The following KLHL2 variants were observed in gnomAD, a reference collection of about 807,000 sequenced individuals.
KLHL2 encodes the protein kelch-like protein 2.
Under a neutral mutation model 75.8 loss-of-function variants are expected in KLHL2, and 15 were observed. The ratio of observed to expected loss-of-function variants is 0.20; its 90% CI spans 0.13 to 0.30. The LOEUF is 0.30. KLHL2 is among the 10% of genes least tolerant of loss of function. KLHL2 has a pLI of 1.00. For synonymous variants in KLHL2, 214 were observed against 251.9 expected, an observed-to-expected ratio of 0.85 and a Z score of 1.42; for missense variants, 381 against 741.0, an observed-to-expected ratio of 0.51 and a Z score of 5.64.
chr4:165,250,718 G>A (rs1420374614), intron 4 of KLHL2, among the ~76,000 whole-genome samples: 9 of 152,094 alleles, frequency 5.9e-5, no homozygotes, highest in African/African-American at 2.2e-4. Flanking sequence ...TAAGAGATGG[G>A]CAGGAATAAA....
intron 1 of KLHL2, among the ~76,000 whole-genome samples, chr4:165,212,556 C>G (rs954241724): frequency 1.3e-5 from 2 of 152,148 alleles, no homozygotes; most frequent in African/African-American, 2.4e-5. Context: ...GAAAAACAAG[C>G]CCCTGCTTTT....
chr4:165,249,862 CGCCTGT>C (rs1446704249), intron 4 of KLHL2, among the ~76,000 whole-genome samples: 10 of 152,162 alleles, frequency 6.6e-5, no homozygotes, highest in African/African-American at 2.4e-4. Context: ...CGGTGGCTCA[CGCCTGT>C]AATCCCAGCA....
At chr4:165,267,033 C>T (rs890036252) in intron 5 of KLHL2, among the ~76,000 whole-genome samples, 6 of 152,218 alleles carry the variant, frequency 3.9e-5, no homozygotes, top group African/African-American at 7.2e-5. Flanking sequence ...AGAGGTCCTT[C>T]ATATCCCTTG....
chr4:165,308,997 C>T (rs116680113), intron 9 of KLHL2, among the ~76,000 whole-genome samples: 2,146 of 152,180 alleles, frequency 0.014, 49 homozygotes, highest in African/African-American at 0.047. Context: ...CAGTAAGGGG[C>T]AGAGGTACAT....
chr4:165,221,564 T>C (rs1014854954), intron 2 of KLHL2, among the ~76,000 whole-genome samples: 3 of 152,164 alleles, frequency 2.0e-5, no homozygotes, highest in African/African-American at 4.8e-5. Flanking sequence ...GCCATTGGAC[T>C]GAGGTCCTGA....
At chr4:165,278,342 A>C (rs1157885831) in intron 5 of KLHL2, 2 of 1,150,122 alleles carry the variant, frequency 1.7e-6, no homozygotes, top group East Asian at 2.3e-5. Context: ...TTGTAGCTGC[A>C]TAAGAATTTT....
intron 7 of KLHL2, 130 bp from the exon 8 acceptor site, chr4:165,299,377 C>A: frequency 1.3e-6 from 1 of 746,146 alleles, no homozygotes; most frequent in South Asian, 3.3e-5. Flanking sequence ...ATAAACTTTC[C>A]TCGTTTATTT....
intron 5 of KLHL2, among the ~76,000 whole-genome samples, chr4:165,289,140 A>C (rs1744313325): frequency 6.6e-6 from 1 of 152,170 alleles, no homozygotes. Flanking sequence ...TACAAGCAAC[A>C]ATCTCATTAA....
At chr4:165,248,883 CTGAA>C (rs1740470151) in intron 4 of KLHL2, among the ~76,000 whole-genome samples, 1 of 152,110 alleles carries the variant, frequency 6.6e-6, no homozygotes, top group South Asian at 2.1e-4. Flanking sequence ...AGAGATGTAA[CTGAA>C]TATATGTTAT....
At chr4:165,210,167 C>T in intron 1 of KLHL2, 1 of 1,551,692 alleles carries the variant, frequency 6.4e-7, no homozygotes. Context: ...AGCACGGCCC[C>T]AGATTCTCTT....
chr4:165,297,779 A>G, intron 7 of KLHL2, 54 bp downstream of exon 7: 1 of 1,035,112 alleles, frequency 9.7e-7, no homozygotes, highest in Non-Finnish European at 1.5e-6. Context: ...CACTGGCCTG[A>G]CAGCATGTAG....
chr4:165,243,324 G>GTTACA (rs1739973436), intron 4 of KLHL2, among the ~76,000 whole-genome samples: 1 of 152,206 alleles, frequency 6.6e-6, no homozygotes, highest in Non-Finnish European at 1.5e-5. Flanking sequence ...TGATGTAAGT[G>GTTACA]TTACAAACAA....
At chr4:165,238,059 AG>A (rs1739498255) in intron 3 of KLHL2, among the ~76,000 whole-genome samples, 1 of 152,188 alleles carries the variant, frequency 6.6e-6, no homozygotes, top group Non-Finnish European at 1.5e-5. Context: ...GTTTTGTAGA[AG>A]GATACCTGGT....
In KLHL2 at chr4:165,241,663, T is replaced by C. The variant is rs539366307; in HGVS notation, c.381+2764T>C. Among the ~76,000 whole-genome samples, 80 of 152,354 alleles carry C rather than the reference T, an allele frequency of 5.3e-4. 1 individual carries two copies. The highest frequency in any genetic ancestry group is 4.1e-3 in the South Asian group (20 of 4,824). Reference sequence around the variant, plus strand: ...GTATCTTTGGGATTGCATGTTTTGATGCAGAATCATTGTGCCGTAGAATGC... The same window carrying C: ...GTATCTTTGGGATTGCATGTTTTGACGCAGAATCATTGTGCCGTAGAATGC... On this transcript the variant is annotated intron_variant, in intron 4 of 14. Coordinates refer to ENST00000226725, the MANE Select transcript of KLHL2 (RefSeq NM_007246.4).
chr4:165,207,950 C>G lies in KLHL2; in HGVS notation c.26+48C>G, dbSNP rs1421869713. 7.8e-7 allele frequency: 1 copy of G among 1,290,118 alleles called. No homozygotes were observed. The highest frequency in any genetic ancestry group is 9.8e-7 in the Non-Finnish European group (1 of 1,018,838). 79.9% of individuals were successfully genotyped at this position (1,290,118 alleles called of 1,614,324 possible). On this transcript the variant is annotated intron_variant, in intron 1 of 14. Coordinates refer to ENST00000226725, the MANE Select transcript of KLHL2 (RefSeq NM_007246.4). This position sits in a 1 kb window ranked among gnomAD's most constrained non-coding sequence, Gnocchi z 4.2. The stretch of plus-strand genomic sequence containing the variant: ...TGCGCCGCTGCGGATAAGCGCGCCG[C>G]TGCGGCGCGTGTCGCCGGCCGCGGG...
At chr4:165,296,304 C>T (rs962392032) in intron 6 of KLHL2, among the ~76,000 whole-genome samples, 1 of 152,226 alleles carries the variant, frequency 6.6e-6, no homozygotes, top group Non-Finnish European at 1.5e-5. Flanking sequence ...CCTCCTCTCC[C>T]CTCCTTTCTT....
intron 13 of KLHL2, among the ~76,000 whole-genome samples, chr4:165,314,719 A>G (rs932005584): frequency 6.6e-6 from 1 of 152,192 alleles, no homozygotes; most frequent in African/African-American, 2.4e-5. Flanking sequence ...TAATTTTAAG[A>G]AAGTAGAGAA....
At chr4:165,288,161 T>A (rs913652097) in intron 5 of KLHL2, among the ~76,000 whole-genome samples, 10 of 152,150 alleles carry the variant, frequency 6.6e-5, no homozygotes, top group Non-Finnish European at 1.3e-4. Context: ...CTTAGTCCAT[T>A]TTGAATTAAT....
chr4:165,261,713 C>G (rs1293632514), intron 4 of KLHL2, among the ~76,000 whole-genome samples: 1 of 152,166 alleles, frequency 6.6e-6, no homozygotes, highest in African/African-American at 2.4e-5. Context: ...CCTTTAGATT[C>G]AGGAGTTAAA....
Sources: allele counts gnomAD v4.1 joint callset (sites outside exome capture counted in the v4.1 genomes callset), GRCh38; gene constraint gnomAD v4.1.1; non-coding constraint Gnocchi (gnomAD v3.1); transcripts MANE v1.5; gene names NCBI Gene and HGNC (gene_info 2026-07-23, HGNC 2026-07-21).